The following SLC16A5 variants were observed in gnomAD, a reference collection of about 807,000 sequenced individuals.
The protein encoded by SLC16A5 is solute carrier family 16 member 5.
Under a neutral mutation model 33.2 loss-of-function variants are expected in SLC16A5, and 29 were observed. The observed-to-expected ratio is 0.87, with a 90% CI of 0.65 to 1.19. SLC16A5 has a LOEUF of 1.19. Ranked by LOEUF, SLC16A5 falls within the 50% of genes most tolerant of loss-of-function variation. The pLI is 0.00. For missense variants in SLC16A5, 606 were observed against 678.2 expected (o/e 0.89, Z 1.18); for synonymous variants, 248 against 284.1 (o/e 0.87, Z 1.28).
chr17:75,109,898 G>T, downstream of SLC16A5: 1 of 205,522 alleles, frequency 4.9e-6, no homozygotes, highest in Non-Finnish European at 9.9e-6. The surrounding 1 kb of genome is among the most constrained non-coding windows in gnomAD (Gnocchi z 5.0). Flanking sequence ...CGCCGCGCAC[G>T]CGCGCCAAGG....
chr17:75,103,898 C>T, intron 5 of SLC16A5, 72 bp from the exon 6 acceptor site: 2 of 1,334,416 alleles, frequency 1.5e-6, no homozygotes, highest in South Asian at 2.5e-5. Context: ...AAAATACCTG[C>T]TGTCAGGGAA....
At chr17:75,107,938 GA>G (rs1170971817), downstream of SLC16A5, among the ~76,000 whole-genome samples, 1 of 150,964 alleles carries the variant, frequency 6.6e-6, no homozygotes, top group African/African-American at 2.4e-5. Context: ...CACTGTCTCA[GA>G]AAAAAAATAC....
At chr17:75,091,131 C>G (rs60983840) in intron 2 of SLC16A5, among the ~76,000 whole-genome samples, 47,044 of 151,962 alleles carry the variant, frequency 0.31, 7,344 homozygotes, top group African/African-American at 0.32. Flanking sequence ...AGGGAACAGG[C>G]AAAGGCAGGA....
At chr17:75,103,425 G>C (rs980041533) in intron 5 of SLC16A5, among the ~76,000 whole-genome samples, 1 of 151,454 alleles carries the variant, frequency 6.6e-6, no homozygotes, top group Non-Finnish European at 1.5e-5. Flanking sequence ...TGCCATCCAG[G>C]TTCAAGTGAT....
intron 6 of SLC16A5, chr17:75,105,227 A>AG: frequency 1.0e-6 from 1 of 985,412 alleles, no homozygotes; most frequent in Non-Finnish European, 1.2e-6. Context: ...GTGAAGTCTG[A>AG]GGGCCCCCCT....
At chr17:75,098,205 A>G (rs2073745961) in intron 4 of SLC16A5, 24 bp downstream of exon 4, 1 of 1,611,014 alleles carries the variant, frequency 6.2e-7, no homozygotes, top group East Asian at 2.2e-5. Flanking sequence ...CATCTCCAGA[A>G]TTTATAGGCA....
At chr17:75,096,617 A>C (rs1427798570) in intron 3 of SLC16A5, among the ~76,000 whole-genome samples, 4 of 134,954 alleles carry the variant, frequency 3.0e-5, no homozygotes, top group Admixed American at 7.7e-5. Flanking sequence ...TGCAACCTCC[A>C]CCTCCCGGGT....
intron 5 of SLC16A5, among the ~76,000 whole-genome samples, chr17:75,102,730 CT>C (rs2073815631): frequency 6.7e-6 from 1 of 149,172 alleles, no homozygotes; most frequent in African/African-American, 2.6e-5. Flanking sequence ...CAAGGGAATT[CT>C]TTTTTCTTTT....
At position 75,105,352 on chromosome 17, in the gene SLC16A5, G is replaced by A. The variant is rs539544322; in HGVS notation, c.1365-528G>A. 4.1e-6 allele frequency: 4 copies of A among 985,300 alleles called. No individual in the cohort carries two copies. The South Asian group carries it at 1.4e-4, about 35-fold the overall frequency. 61.0% of individuals were successfully genotyped at this position (985,300 alleles called of 1,614,324 possible). A position where few individuals can be genotyped will look rare whatever the true frequency, so the allele number is the denominator to read the frequency against. ...GGGAAGCCAGACATTTGACTGACGG[G>A]AGAGGAAGGCTTGCCAGGCAGCCCG... is the stretch of plus-strand genomic sequence containing the variant. On this transcript the variant is annotated intron_variant, in intron 6 of 6. Transcript: ENST00000329783.
chr17:75,105,751 G>A (rs1296379936), intron 6 of SLC16A5, 129 bp from the exon 7 acceptor site: 10 of 1,413,830 alleles, frequency 7.1e-6, no homozygotes, highest in Admixed American at 2.9e-5. Context: ...GCTGGAGTAC[G>A]TTTCCCCTCA....
Position 75,100,787 on chromosome 17 carries a change from T to G in SLC16A5, c.1124T>G (p.Leu375Arg). Residue 375 changes from leucine (L) to arginine (R), a missense_variant, in exon 5 of 7, where the codon CTT becomes CGT. Transcript: ENST00000329783. ...ALGLFTVLDG[L>R]AFLISPPLAG... ...GGACTCTTCACTGTCCTGGACGGCC[T>G]TGCTTTCCTCATCTCCCCACCACTG... 1 of 1,606,260 alleles carries G rather than the reference T, an allele frequency of 6.2e-7. No individual in the cohort carries two copies. The highest frequency in any genetic ancestry group is 1.1e-5 in the South Asian group (1 of 90,560).
chr17:75,104,104 G>A lies in SLC16A5; in HGVS notation c.1288G>A (p.Ala430Thr), dbSNP rs199845134. Residue 430 changes from alanine (A) to threonine (T), a missense_variant, in exon 6 of 7, where the codon GCG (alanine) becomes ACG (threonine). Coordinates refer to ENST00000329783, the MANE Select transcript of SLC16A5 (RefSeq NM_004695.4). ...GAAGGAGCAAGGCAAGCAGGCTGTC[G>A]CGGCGGATGCCCTGGAGCGGGATCT... The part of the protein sequence containing the change: ...QKKEQGKQAV[A>T]ADALERDLFL... 5.8e-5 allele frequency: 93 copies of A among 1,614,096 alleles called. No individual in the cohort carries two copies. The highest frequency in any genetic ancestry group is 7.3e-5 in the Non-Finnish European group (86 of 1,180,056).
intron 5 of SLC16A5, 125 bp downstream of exon 5, chr17:75,100,941 G>A: frequency 8.2e-6 from 8 of 972,142 alleles, no homozygotes; most frequent in Non-Finnish European, 1.2e-5. Context: ...GGCACTCAGA[G>A]TATGAACAGT....
At chr17:75,104,600 C>G in intron 6 of SLC16A5, 1 of 553,152 alleles carries the variant, frequency 1.8e-6, no homozygotes, top group Non-Finnish European at 2.3e-6. Flanking sequence ...TACAGGCATG[C>G]GCCACCACTC....
In SLC16A5 at chr17:75,089,265, G is replaced by A. The variant is rs1002568103; in HGVS notation, c.-88G>A. On this transcript the variant is annotated 5_prime_UTR_variant, in exon 2 of 7. Transcript: ENST00000329783. Reference sequence around the variant, plus strand: ...GACCTCCCTGCCTGGAAGCTGCATTGCCCTTGGTCCTGGGCCTGCCTGCCC... The same window carrying A: ...GACCTCCCTGCCTGGAAGCTGCATTACCCTTGGTCCTGGGCCTGCCTGCCC... 7 of 152,780 alleles carry A rather than the reference G, an allele frequency of 4.6e-5. No individual in the cohort carries two copies. Among genetic ancestry groups the A allele is most frequent in the Non-Finnish European group, 1.0e-4 (7 of 68,494 alleles). 9.5% of individuals were successfully genotyped at this position (152,780 alleles called of 1,614,324 possible).
rs774591530 is a variant in SLC16A5, at chr17:75,093,745, T to G, written c.109T>G (p.Phe37Val). Reference sequence around the variant, plus strand: ...GGGCTTCCCCACGTGTATCGGCATCTTCTTCACTGAATTGCAATGGGAGTT... The same window carrying G: ...GGGCTTCCCCACGTGTATCGGCATCGTCTTCACTGAATTGCAATGGGAGTT... ...TLGFPTCIGI[F>V]FTELQWEFQA... The change falls in exon 3 of 7, where the codon TTC becomes GTC. Residue 37 changes from phenylalanine to valine, a missense_variant. By Grantham distance (50) the Phe-to-Val change is conservative. Transcript: ENST00000329783. 6.2e-6 allele frequency: 10 copies of G among 1,613,912 alleles called. No homozygotes were observed. The highest frequency in any genetic ancestry group is 6.8e-6 in the Non-Finnish European group (8 of 1,179,844).
At chr17:75,103,848 G>T in intron 5 of SLC16A5, 122 bp from the exon 6 acceptor site, 2 of 799,630 alleles carry the variant, frequency 2.5e-6, no homozygotes, top group East Asian at 2.5e-5. Context: ...AGTGTCTACT[G>T]GGTGTCAGCC....
intron 2 of SLC16A5, among the ~76,000 whole-genome samples, chr17:75,091,090 T>C (rs1261218048): frequency 6.6e-6 from 1 of 151,948 alleles, no homozygotes; most frequent in East Asian, 1.9e-4. Context: ...TACCAGGGCC[T>C]CGGGGCCTGG....
chr17:75,092,050 T>TGTGTGC (rs1555644943), intron 2 of SLC16A5, among the ~76,000 whole-genome samples: 1 of 151,698 alleles, frequency 6.6e-6, no homozygotes, highest in Non-Finnish European at 1.5e-5. Flanking sequence ...TGTGTGTGTG[T>TGTGTGC]GCACGCATGC....
Sources: allele counts gnomAD v4.1 joint callset (sites outside exome capture counted in the v4.1 genomes callset), GRCh38; gene constraint gnomAD v4.1.1; non-coding constraint Gnocchi (gnomAD v3.1); transcripts MANE v1.5; gene names NCBI Gene and HGNC (gene_info 2026-07-23, HGNC 2026-07-21).